LRRC4C: variants seen among roughly 807,000 people sequenced by gnomAD.
The protein encoded by LRRC4C is leucine-rich repeat-containing protein 4C.
In LRRC4C, 5 loss-of-function variants were observed where a neutral mutation model predicts 33.6. The ratio of observed to expected loss-of-function variants is 0.15; its 90% CI spans 0.08 to 0.31. The LOEUF is 0.31. LRRC4C is among the 10% of genes least tolerant of loss of function. The probability of loss-of-function intolerance (pLI) is 1.00; values close to 1 mark genes in which losing one functional copy is unlikely to be tolerated. For synonymous variants in LRRC4C, 329 were observed against 302.0 expected, an observed-to-expected ratio of 1.09 and a Z score of -0.93; for missense variants, 560 against 796.7, an observed-to-expected ratio of 0.70 and a Z score of 3.58.
chr11:40,466,710 GT>G (rs1421150281), intron 3 of LRRC4C, among the ~76,000 whole-genome samples: 1 of 151,830 alleles, frequency 6.6e-6, no homozygotes, highest in Non-Finnish European at 1.5e-5. Flanking sequence ...GATATCTTTT[GT>G]TTTTATATTA....
intron 1 of LRRC4C, among the ~76,000 whole-genome samples, chr11:41,380,283 A>T (rs1168416749): frequency 6.6e-6 from 1 of 152,200 alleles, no homozygotes; most frequent in Non-Finnish European, 1.5e-5. Context: ...GAGAGAGGGA[A>T]GAATTGTATC....
At chr11:40,611,872 C>CA (rs1204766890) in intron 3 of LRRC4C, among the ~76,000 whole-genome samples, 3 of 143,244 alleles carry the variant, frequency 2.1e-5, no homozygotes, top group African/African-American at 7.5e-5. Context: ...CAAAAAACAA[C>CA]AAAAAATAAG....
chr11:41,439,713 T>C (rs1444966847), intron 1 of LRRC4C, among the ~76,000 whole-genome samples: 1 of 152,196 alleles, frequency 6.6e-6, no homozygotes, highest in Non-Finnish European at 1.5e-5. Context: ...TTTTGCCCAC[T>C]TTGTGGCAAC....
At chr11:41,429,279 G>A (rs1205779219) in intron 1 of LRRC4C, among the ~76,000 whole-genome samples, 1 of 152,152 alleles carries the variant, frequency 6.6e-6, no homozygotes, top group Non-Finnish European at 1.5e-5. Context: ...GCTGAACTGT[G>A]AGTCAATTAA....
intron 3 of LRRC4C, among the ~76,000 whole-genome samples, chr11:40,346,179 C>T (rs896737187): frequency 1.3e-5 from 2 of 152,106 alleles, no homozygotes; most frequent in African/African-American, 2.4e-5. Flanking sequence ...TACCATTTCA[C>T]CCAGAAATCC....
At chr11:41,191,810 G>A (rs1945962832) in intron 1 of LRRC4C, among the ~76,000 whole-genome samples, 2 of 152,070 alleles carry the variant, frequency 1.3e-5, no homozygotes, top group Admixed American at 6.6e-5. Context: ...GGGTTCTGCA[G>A]CTTAAAAAGA....
intron 2 of LRRC4C, among the ~76,000 whole-genome samples, chr11:40,764,662 C>T (rs1001240786): frequency 6.6e-6 from 1 of 152,128 alleles, no homozygotes; most frequent in Non-Finnish European, 1.5e-5. Flanking sequence ...TTGGGTGAGA[C>T]CCAGTGCAGT....
intron 1 of LRRC4C, among the ~76,000 whole-genome samples, chr11:41,442,218 TAGA>T (rs1362824828): frequency 2.2e-4 from 34 of 152,048 alleles, no homozygotes; most frequent in Admixed American, 2.2e-3. Context: ...GATAAATTTC[TAGA>T]ACAGGATCCA....
chr11:40,587,232 A>T (rs1958799237), intron 3 of LRRC4C, among the ~76,000 whole-genome samples: 1 of 149,438 alleles, frequency 6.7e-6, no homozygotes, highest in Non-Finnish European at 1.5e-5. Context: ...ATTCTCTTTG[A>T]AGCAATTGTG....
intron 1 of LRRC4C, among the ~76,000 whole-genome samples, chr11:41,156,432 T>C (rs944116657): frequency 3.9e-5 from 6 of 152,190 alleles, no homozygotes; most frequent in Admixed American, 2.6e-4. Context: ...TTGTCACATT[T>C]GAATTGTCTT....
chr11:41,022,274 C>T lies in LRRC4C; in HGVS notation c.-495-88551G>A, dbSNP rs563667644. The stretch of plus-strand genomic sequence containing the variant: ...AACTATCAAGATTAACATTGGTTGA[C>T]ATTAGGTTCTGGGAGTCTTAGTTTT... On this transcript the variant is annotated intron_variant, in intron 1 of 6. Transcript: ENST00000528697. 6.8e-5 allele frequency among the ~76,000 whole-genome samples: 10 copies of T among 147,734 alleles called. No individual in the cohort carries two copies. In the South Asian group the frequency reaches 1.9e-3, roughly 29 times the overall value.
chr11:40,658,764 T>C (rs1203114144), intron 2 of LRRC4C, among the ~76,000 whole-genome samples: 2 of 152,192 alleles, frequency 1.3e-5, no homozygotes, highest in Non-Finnish European at 2.9e-5. Context: ...GATTCTAATG[T>C]CAGAAGCCCT....
At chr11:41,400,860 G>A (rs535974961) in intron 1 of LRRC4C, among the ~76,000 whole-genome samples, 1 of 151,940 alleles carries the variant, frequency 6.6e-6, no homozygotes, top group South Asian at 2.1e-4. Context: ...ACTTGAAAAA[G>A]TCCATATTTA....
intron 1 of LRRC4C, among the ~76,000 whole-genome samples, chr11:41,132,809 T>C (rs1943077681): frequency 6.6e-6 from 1 of 152,160 alleles, no homozygotes; most frequent in Admixed American, 6.6e-5. Context: ...TATTAATAGC[T>C]ATTGACAGTT....
chr11:40,982,582 G>C (rs942216146), intron 1 of LRRC4C, among the ~76,000 whole-genome samples: 1 of 152,088 alleles, frequency 6.6e-6, no homozygotes, highest in Non-Finnish European at 1.5e-5. Context: ...TCTAAGAGAT[G>C]CTGCCACTGC....
At chr11:40,982,229 G>A (rs1852595258) in intron 1 of LRRC4C, among the ~76,000 whole-genome samples, 2 of 152,170 alleles carry the variant, frequency 1.3e-5, no homozygotes, top group African/African-American at 2.4e-5. Flanking sequence ...GCTGAAAAAT[G>A]TAAAGTACTC....
intron 3 of LRRC4C, among the ~76,000 whole-genome samples, chr11:40,467,816 A>G (rs1347074856): frequency 6.6e-6 from 1 of 152,204 alleles, no homozygotes; most frequent in East Asian, 1.9e-4. Flanking sequence ...CTAGGCCAAG[A>G]TAGACTATAT....
intron 5 of LRRC4C, among the ~76,000 whole-genome samples, chr11:40,183,379 G>A (rs766339402): frequency 1.3e-5 from 2 of 152,130 alleles, no homozygotes; most frequent in Admixed American, 6.5e-5. Flanking sequence ...TAACTCAAAC[G>A]TTTGTTGTTG....
intron 1 of LRRC4C, among the ~76,000 whole-genome samples, chr11:41,242,111 C>T (rs1322288686): frequency 6.6e-6 from 1 of 151,868 alleles, no homozygotes; most frequent in East Asian, 1.9e-4. Context: ...AGTATTTTGC[C>T]TTTTTTGCAA....
Sources: gnomAD v4.1 joint callset for allele counts (sites outside exome capture counted in the v4.1 genomes callset) on GRCh38, gnomAD v4.1.1 for gene constraint, MANE v1.5 for transcripts, NCBI Gene and HGNC (gene_info 2026-07-23, HGNC 2026-07-21) for gene names.